The following PDE4D variants were observed in gnomAD, a reference collection of about 807,000 sequenced individuals.
PDE4D encodes the protein phosphodiesterase 4D.
In PDE4D, 24 loss-of-function variants were observed where a neutral mutation model predicts 87.4. That is an observed-to-expected ratio of 0.27 (90% CI 0.20 to 0.39). The LOEUF is 0.39. Ranked by LOEUF, PDE4D falls within the 10% of genes least tolerant of loss-of-function variation. The pLI, the probability that PDE4D is intolerant of heterozygous loss-of-function variation, is 1.00. For synonymous variants in PDE4D, 384 were observed against 383.2 expected (o/e 1.00, Z -0.02); for missense variants, 714 against 1,041.0 (o/e 0.69, Z 4.32).
chr5:60,392,901 G>A (rs1762644049), intron 1 of PDE4D, among the ~76,000 whole-genome samples: 1 of 152,224 alleles, frequency 6.6e-6, no homozygotes, highest in African/African-American at 2.4e-5. Context: ...CCACAGGGAA[G>A]ATTGTAAACT....
upstream of PDE4D, among the ~76,000 whole-genome samples, chr5:59,897,834 ACTC>A (rs2152760111): frequency 6.6e-6 from 1 of 152,160 alleles, no homozygotes; most frequent in African/African-American, 2.4e-5. Flanking sequence ...AAAAGGCTAA[ACTC>A]CTGTCTAATT....
intron 5 of PDE4D, among the ~76,000 whole-genome samples, chr5:59,109,759 C>A (rs1002683993): frequency 6.6e-6 from 1 of 152,168 alleles, no homozygotes; most frequent in Admixed American, 6.5e-5. Flanking sequence ...AAATTATTTA[C>A]CATCTTTCAG....
Position 59,232,031 on chromosome 5 carries a change from A to T in PDE4D, c.456-16063T>A, listed in dbSNP as rs532506252. On this transcript the variant is annotated intron_variant, in intron 1 of 14. Coordinates refer to ENST00000340635, the MANE Select transcript of PDE4D (RefSeq NM_001104631.2). ...AATTTGTCTCTGGATTACAGAAGAC[A>T]CACAGAACCGAGATTAACAAACACT... is the stretch of plus-strand genomic sequence containing the variant. Among the ~76,000 whole-genome samples, 3 of 152,336 alleles carry T rather than the reference A, an allele frequency of 2.0e-5. No homozygotes were observed. In the South Asian group the frequency reaches 6.2e-4, roughly 32 times the overall value.
At chr5:59,713,821 C>T (rs1029246761) in intron 1 of PDE4D, among the ~76,000 whole-genome samples, 7 of 152,114 alleles carry the variant, frequency 4.6e-5, no homozygotes, top group Non-Finnish European at 1.0e-4. Context: ...GTTGGATGGG[C>T]ATTTTTTCTG....
At chr5:60,026,530 C>T (rs551007512) in intron 2 of PDE4D, among the ~76,000 whole-genome samples, 2 of 152,150 alleles carry the variant, frequency 1.3e-5, no homozygotes, top group African/African-American at 2.4e-5. Context: ...GATACTGAAC[C>T]GAATGTATGT....
intron 3 of PDE4D, among the ~76,000 whole-genome samples, chr5:59,915,456 T>C (rs1753937926): frequency 6.6e-6 from 1 of 152,206 alleles, no homozygotes; most frequent in East Asian, 1.9e-4. Context: ...CAACTTGTTG[T>C]GGCTACATAT....
rs192592976 is a variant in PDE4D at position 59,432,188 on chromosome 5, T to C, written c.456-216220A>G. ...ACAAATATAAATATACCACACACAATACACAAACCCTCACACATGTATAGG... is the reference window on the plus strand; with the variant it reads ...ACAAATATAAATATACCACACACAACACACAAACCCTCACACATGTATAGG... On this transcript the variant is annotated intron_variant, in intron 1 of 14. Coordinates refer to ENST00000340635, the MANE Select transcript of PDE4D (RefSeq NM_001104631.2). 3.6e-3 allele frequency among the ~76,000 whole-genome samples: 546 copies of C among 152,158 alleles called. 8 individuals are homozygous for C. Among genetic ancestry groups the C allele is most frequent in the Non-Finnish European group, 1.0e-3 (71 of 67,968 alleles).
At chr5:59,891,785 G>GCACA (rs905733153) in intron 1 of PDE4D, among the ~76,000 whole-genome samples, 2 of 66,404 alleles carry the variant, frequency 3.0e-5, no homozygotes, top group African/African-American at 2.0e-4. Context: ...AGAGAGACAT[G>GCACA]CTCACACACA....
intron 2 of PDE4D, among the ~76,000 whole-genome samples, chr5:60,086,216 G>A (rs1774512613): frequency 1.3e-5 from 2 of 152,090 alleles, no homozygotes; most frequent in South Asian, 4.1e-4. Context: ...CTGAGGTTGA[G>A]CTTTTCAAAT....
chr5:60,177,859 A>G (rs961509732), intron 2 of PDE4D, among the ~76,000 whole-genome samples: 1 of 152,176 alleles, frequency 6.6e-6, no homozygotes, highest in Non-Finnish European at 1.5e-5. Flanking sequence ...CCACAAGATA[A>G]TTTAATGAAT....
intron 2 of PDE4D, among the ~76,000 whole-genome samples, chr5:60,087,260 G>T (rs1582586076): frequency 6.6e-6 from 1 of 152,050 alleles, no homozygotes; most frequent in East Asian, 1.9e-4. Context: ...AGGAATAAAG[G>T]CCTAACACCA....
chr5:60,104,407 T>C (rs999743365), intron 2 of PDE4D, among the ~76,000 whole-genome samples: 32 of 152,340 alleles, frequency 2.1e-4, no homozygotes, highest in Non-Finnish European at 8.8e-5. Flanking sequence ...CCTGCCTGCC[T>C]CTGTAGGCTC....
chr5:59,544,387 C>T lies in PDE4D; in HGVS notation c.456-328419G>A, dbSNP rs190178874. Among the ~76,000 whole-genome samples, 6 of 152,230 alleles carry T rather than the reference C, an allele frequency of 3.9e-5. No homozygotes were observed. The East Asian group carries it at 1.2e-3, about 29-fold the overall frequency. On this transcript the variant is annotated intron_variant, in intron 1 of 14. Transcript: ENST00000340635. The stretch of plus-strand genomic sequence containing the variant: ...AAGTTCTGGAAAAGGAGCTCCTCAT[C>T]GAGTCTGGTAATGAGCACTTCTATT...
chr5:59,367,765 T>G (rs1783308311), intron 1 of PDE4D, among the ~76,000 whole-genome samples: 1 of 152,152 alleles, frequency 6.6e-6, no homozygotes, highest in Non-Finnish European at 1.5e-5. Flanking sequence ...AAGTCTGCCT[T>G]ACAGAGCCTA....
At chr5:60,230,404 T>C (rs372181578) in intron 1 of PDE4D, among the ~76,000 whole-genome samples, 10 of 152,114 alleles carry the variant, frequency 6.6e-5, no homozygotes, top group African/African-American at 2.4e-4. Context: ...GCAAATGTGA[T>C]GTCCTTTGCA....
At chr5:59,754,999 T>C (rs1405494033) in intron 1 of PDE4D, among the ~76,000 whole-genome samples, 6 of 152,070 alleles carry the variant, frequency 3.9e-5, no homozygotes, top group Admixed American at 3.3e-4. Flanking sequence ...CCTCTTCCTA[T>C]GGTGGAAGTA....
intron 1 of PDE4D, among the ~76,000 whole-genome samples, chr5:59,729,899 C>T (rs1757137319): frequency 1.3e-5 from 2 of 152,050 alleles, no homozygotes; most frequent in African/African-American, 4.8e-5. Flanking sequence ...AAAAGTCAGA[C>T]ACCTTAAAAA....
At chr5:60,350,244 G>A in intron 1 of PDE4D, among the ~76,000 whole-genome samples, 1 of 152,170 alleles carries the variant, frequency 6.6e-6, no homozygotes. Context: ...TCAGTCTTGA[G>A]ACACCAGCTG....
intron 2 of PDE4D, among the ~76,000 whole-genome samples, chr5:59,990,718 T>C (rs1002643240): frequency 6.6e-6 from 1 of 152,216 alleles, no homozygotes; most frequent in African/African-American, 2.4e-5. Context: ...ATTTAATTTT[T>C]ACTAAAATCC....
Sources: allele counts gnomAD v4.1 joint callset (sites outside exome capture counted in the v4.1 genomes callset), GRCh38; gene constraint gnomAD v4.1.1; transcripts MANE v1.5; gene names NCBI Gene and HGNC (gene_info 2026-07-23, HGNC 2026-07-21).